Variants in KIF26B observed in about 807,000 individuals in gnomAD.
The protein encoded by KIF26B is kinesin family member 26B, also known as kinesin-like protein KIF26B.
In KIF26B, 63 loss-of-function variants were observed where a neutral mutation model predicts 151.2. That is an observed-to-expected ratio of 0.42 (90% CI 0.34 to 0.51). The LOEUF is 0.51. Among genes scored for constraint, KIF26B ranks in the 20% least tolerant of loss-of-function variants. The probability of loss-of-function intolerance (pLI) is 0.07; values close to 1 mark genes in which losing one functional copy is unlikely to be tolerated. For synonymous variants in KIF26B, 1,357 were observed against 1,262.1 expected, an observed-to-expected ratio of 1.08 and a Z score of -1.59; for missense variants, 2,813 against 2,913.6, an observed-to-expected ratio of 0.97 and a Z score of 0.79.
intron 2 of KIF26B, among the ~76,000 whole-genome samples, chr1:245,205,125 G>A (rs922101115): frequency 1.3e-5 from 2 of 152,108 alleles, no homozygotes; most frequent in Non-Finnish European, 2.9e-5. Flanking sequence ...TGGTTGGGGT[G>A]TGAAATGGAG....
intron 2 of KIF26B, among the ~76,000 whole-genome samples, chr1:245,356,673 G>A (rs181420840): frequency 1.3e-5 from 2 of 152,356 alleles, no homozygotes; most frequent in Admixed American, 1.3e-4. Flanking sequence ...TGGCTTCTGT[G>A]TGCCTACTTG....
intron 4 of KIF26B, among the ~76,000 whole-genome samples, chr1:245,530,614 G>C (rs147111887): frequency 6.6e-6 from 1 of 152,210 alleles, no homozygotes; most frequent in East Asian, 1.9e-4. Context: ...TTTTATGTGT[G>C]CTGCCCAGAT....
At chr1:245,351,468 G>A (rs1214838410) in intron 2 of KIF26B, among the ~76,000 whole-genome samples, 3 of 152,010 alleles carry the variant, frequency 2.0e-5, no homozygotes, top group African/African-American at 7.2e-5. Context: ...TAAACATAGG[G>A]AAAACTCAGC....
Position 245,572,233 on chromosome 1 carries a change from G to C in KIF26B, c.1351-30344G>C, listed in dbSNP as rs1476102966. 6.6e-6 allele frequency among the ~76,000 whole-genome samples: 1 copy of C among 152,144 alleles called. No individual in the cohort carries two copies. The highest frequency in any genetic ancestry group is 2.4e-5 in the African/African-American group (1 of 41,408). ...TTATTTACCTAATGTCGTTTGGCCT[G>C]GAATGTTTCAGAGCACCCTTTCATG... On this transcript the variant is annotated intron_variant, in intron 5 of 14. Transcript: ENST00000407071. The surrounding 1 kb of genome is among the most constrained non-coding windows in gnomAD (Gnocchi z 4.2).
At chr1:245,468,891 A>G (rs1659849138) in intron 4 of KIF26B, among the ~76,000 whole-genome samples, 1 of 152,208 alleles carries the variant, frequency 6.6e-6, no homozygotes, top group Non-Finnish European at 1.5e-5. Flanking sequence ...TTATTCCTTC[A>G]GCAAGTGAAA....
intron 3 of KIF26B, among the ~76,000 whole-genome samples, chr1:245,400,596 G>A (rs574541939): frequency 2.6e-5 from 4 of 151,492 alleles, no homozygotes; most frequent in Admixed American, 2.6e-4. Flanking sequence ...GCATTGAGAC[G>A]TGGCTAGTCT....
chr1:245,680,201 T>C (rs893309394), intron 10 of KIF26B, among the ~76,000 whole-genome samples: 1 of 152,154 alleles, frequency 6.6e-6, no homozygotes, highest in African/African-American at 2.4e-5. Context: ...TGCCCTCCCT[T>C]ACTTGGTTGT....
chr1:245,566,001 A>G (rs764456484), intron 5 of KIF26B, among the ~76,000 whole-genome samples: 9 of 152,196 alleles, frequency 5.9e-5, no homozygotes, highest in Non-Finnish European at 1.2e-4. Context: ...ACTCTTTAAA[A>G]CAACCATTTC....
intron 2 of KIF26B, among the ~76,000 whole-genome samples, chr1:245,254,048 A>G (rs185730915): frequency 5.7e-4 from 87 of 151,728 alleles, no homozygotes; most frequent in East Asian, 1.7e-3. Context: ...CTGACCTCGT[A>G]ATTTGCCCGC....
At chr1:245,260,071 T>A (rs966856599) in intron 2 of KIF26B, among the ~76,000 whole-genome samples, 4 of 151,962 alleles carry the variant, frequency 2.6e-5, no homozygotes, top group Non-Finnish European at 5.9e-5. Context: ...TCCTGCTGCT[T>A]TTTTGGTGGG....
chr1:245,288,555 G>A (rs548614990), intron 2 of KIF26B, among the ~76,000 whole-genome samples: 2 of 152,322 alleles, frequency 1.3e-5, no homozygotes, highest in African/African-American at 4.8e-5. Flanking sequence ...GGTCCATCAG[G>A]GATGAAGTCT....
intron 10 of KIF26B, among the ~76,000 whole-genome samples, chr1:245,678,648 G>A (rs566572600): frequency 6.6e-6 from 1 of 152,220 alleles, no homozygotes; most frequent in South Asian, 2.1e-4. Flanking sequence ...AGGATCACGA[G>A]GTCAGGAGAT....
rs187589580 is a variant in KIF26B at position 245,240,048 on chromosome 1, T to C, written c.465+83365T>C. Among the ~76,000 whole-genome samples, 4 of 152,130 alleles carry C rather than the reference T, an allele frequency of 2.6e-5. No individual in the cohort carries two copies. The East Asian group carries it at 7.8e-4, about 30-fold the overall frequency. ...AGCCGAGTGTCATGGCGCACACCTG[T>C]AGTCCCAGTTACTCAGGAGGCTGAG... is the stretch of plus-strand genomic sequence containing the variant. On this transcript the variant is annotated intron_variant, in intron 2 of 14. Coordinates refer to ENST00000407071, the MANE Select transcript of KIF26B (RefSeq NM_018012.4).
At chr1:245,431,537 G>A (rs930472825) in intron 4 of KIF26B, among the ~76,000 whole-genome samples, 12 of 152,280 alleles carry the variant, frequency 7.9e-5, no homozygotes, top group East Asian at 1.9e-4. Flanking sequence ...GTAGAGACAG[G>A]GTTTCACTAT....
intron 2 of KIF26B, among the ~76,000 whole-genome samples, chr1:245,180,376 C>T (rs1668885628): frequency 6.6e-6 from 1 of 151,996 alleles, no homozygotes; most frequent in African/African-American, 2.4e-5. Context: ...TCTGGCTCTC[C>T]TCTTAAATAG....
At chr1:245,468,421 A>G (rs975146880) in intron 4 of KIF26B, among the ~76,000 whole-genome samples, 3 of 152,160 alleles carry the variant, frequency 2.0e-5, no homozygotes, top group Non-Finnish European at 4.4e-5. Flanking sequence ...CTCTCATCAC[A>G]AAAGAGGTAA....
chr1:245,413,948 C>T (rs565136258), intron 3 of KIF26B, among the ~76,000 whole-genome samples: 1 of 152,226 alleles, frequency 6.6e-6, no homozygotes, highest in South Asian at 2.1e-4. Flanking sequence ...CTCTCTGACC[C>T]TCAGTTCCCT....
chr1:245,264,197 A>C (rs1670700240), intron 2 of KIF26B, among the ~76,000 whole-genome samples: 1 of 152,194 alleles, frequency 6.6e-6, no homozygotes, highest in South Asian at 2.1e-4. Context: ...TCTATCACCA[A>C]AGAATTCTAA....
At chr1:245,189,127 G>A (rs190986150) in intron 2 of KIF26B, among the ~76,000 whole-genome samples, 6 of 152,358 alleles carry the variant, frequency 3.9e-5, no homozygotes, top group Admixed American at 3.9e-4. Context: ...TGATGGTGGT[G>A]ATGGTTGCGT....
Sources: gnomAD v4.1 joint callset for allele counts (sites outside exome capture counted in the v4.1 genomes callset) on GRCh38, gnomAD v4.1.1 for gene constraint, Gnocchi (gnomAD v3.1) non-coding constraint, MANE v1.5 for transcripts, NCBI Gene and HGNC (gene_info 2026-07-23, HGNC 2026-07-21) for gene names.